The following ZNF169 variants were observed in gnomAD, a reference collection of about 807,000 sequenced individuals.
ZNF169 encodes the protein zinc finger protein 169.
In ZNF169, 11 loss-of-function variants were observed where a neutral mutation model predicts 12.0. That is an observed-to-expected ratio of 0.92 (90% CI 0.58 to 1.52). The LOEUF (loss-of-function observed/expected upper bound fraction) is 1.52, where lower values mean the gene tolerates loss of function less well. Ranked by LOEUF, ZNF169 falls within the 40% of genes most tolerant of loss-of-function variation. The pLI, the probability that ZNF169 is intolerant of heterozygous loss-of-function variation, is 0.00. For missense variants in ZNF169, 722 were observed against 744.0 expected, an observed-to-expected ratio of 0.97 and a Z score of 0.34; for synonymous variants, 302 against 286.5, an observed-to-expected ratio of 1.05 and a Z score of -0.55.
intron 1 of ZNF169, among the ~76,000 whole-genome samples, chr9:94,262,026 T>G (rs1461125714): frequency 6.6e-6 from 1 of 152,224 alleles, no homozygotes; most frequent in Non-Finnish European, 1.5e-5. Flanking sequence ...CTACAGATAT[T>G]TGTCCACTAC....
chr9:94,272,018 G>T (rs1159017213), intron 1 of ZNF169, among the ~76,000 whole-genome samples: 1 of 152,048 alleles, frequency 6.6e-6, no homozygotes, highest in Non-Finnish European at 1.5e-5. Context: ...TACAGATGTA[G>T]GGCCACTCAA....
chr9:94,291,839 G>C (rs1246709582), intron 2 of ZNF169, among the ~76,000 whole-genome samples: 1 of 152,190 alleles, frequency 6.6e-6, no homozygotes, highest in African/African-American at 2.4e-5. Flanking sequence ...TAAACAAATG[G>C]AGAGACATAC....
chr9:94,292,313 A>G (rs938750213), intron 2 of ZNF169, 28 bp from the exon 3 acceptor site: 1 of 1,613,734 alleles, frequency 6.2e-7, no homozygotes, highest in African/African-American at 1.3e-5. Flanking sequence ...CTGGCTGTTG[A>G]GTGAGCAGGG....
chr9:94,260,487 G>C lies in ZNF169; in HGVS notation c.-56+1142G>C, dbSNP rs546393857. 5.2e-3 allele frequency among the ~76,000 whole-genome samples: 787 copies of C among 151,944 alleles called. 21 individuals are homozygous for C. The highest frequency in any genetic ancestry group is 0.046 in the South Asian group (220 of 4,818). Reference sequence around the variant, plus strand: ...ATCCAGACTTGGTCTTGATAGTGGGGGGGGGGACGGCTAGGGCCGTGCGAC... The same window carrying C: ...ATCCAGACTTGGTCTTGATAGTGGGCGGGGGGACGGCTAGGGCCGTGCGAC... On this transcript the variant is annotated intron_variant, in intron 1 of 4. Coordinates refer to ENST00000395395, the MANE Select transcript of ZNF169 (RefSeq NM_194320.4).
rs137925993 is a variant in ZNF169 at position 94,293,000 on chromosome 9, A to G, written c.187A>G (p.Ile63Val). The G allele has an allele frequency of 1.9e-6, 3 of 1,612,966 alleles. No individual in the cohort carries two copies. The highest frequency in any genetic ancestry group is 1.7e-6 in the Non-Finnish European group (2 of 1,179,396). The change falls in exon 4 of 5, where the codon ATC becomes GTC. Residue 63 changes from isoleucine to valine, a missense_variant. Ile to Val is a conservative substitution (Grantham distance 29, BLOSUM62 3). Coordinates refer to ENST00000395395, the MANE Select transcript of ZNF169 (RefSeq NM_194320.4). ...LGIAFSKPKL[I>V]EQLEQGDEPW... ...AATTGCATTTTCCAAACCAAAACTC[A>G]TCGAACAGCTGGAGCAAGGCGACGA...
At chr9:94,278,425 G>T (rs1484310705) in intron 1 of ZNF169, among the ~76,000 whole-genome samples, 1 of 152,188 alleles carries the variant, frequency 6.6e-6, no homozygotes, top group Non-Finnish European at 1.5e-5. Flanking sequence ...TTTGTTTTCA[G>T]TATGATGAGG....
intron 4 of ZNF169, chr9:94,295,970 C>T (rs996322442): frequency 6.6e-6 from 1 of 152,172 alleles, no homozygotes; most frequent in Admixed American, 6.5e-5. Flanking sequence ...AACTGCTTTC[C>T]AAAGTGGCCG....
At chr9:94,261,245 G>C (rs1053203546) in intron 1 of ZNF169, among the ~76,000 whole-genome samples, 1 of 151,990 alleles carries the variant, frequency 6.6e-6, no homozygotes, top group Non-Finnish European at 1.5e-5. Flanking sequence ...GGATGGTCTC[G>C]ATCTCCCGAC....
At chr9:94,270,874 TTA>T (rs1198409551) in intron 1 of ZNF169, among the ~76,000 whole-genome samples, 5 of 21,940 alleles carry the variant, frequency 2.3e-4, no homozygotes, top group South Asian at 1.5e-3. Context: ...AATATATATA[TTA>T]TATTATATAA....
rs1397734215 is a variant in ZNF169 at position 94,300,065 on chromosome 9, A to C, written c.507A>C (p.Gln169His). 6.2e-7 allele frequency: 1 copy of C among 1,614,160 alleles called. No homozygotes were observed. Among genetic ancestry groups the C allele is most frequent in the South Asian group, 1.1e-5 (1 of 91,082 alleles). The change falls in exon 5 of 5, where the codon CAA becomes CAC. Residue 169 changes from glutamine (Q) to histidine (H), a missense_variant. Coordinates refer to ENST00000395395, the MANE Select transcript of ZNF169 (RefSeq NM_194320.4). ...RISRTFFSPHQGDPVEWVEGN... is the reference protein window; with the variant it reads ...RISRTFFSPHHGDPVEWVEGN... ...CTAGGACATTCTTCAGCCCACATCA[A>C]GGTGACCCAGTAGAATGGGTAGAAG... is the stretch of plus-strand genomic sequence containing the variant.
Position 94,301,164 on chromosome 9 carries a change from C to T in ZNF169, c.1606C>T (p.His536Tyr). The T allele has an allele frequency of 6.2e-7, 1 of 1,614,232 alleles. No individual in the cohort carries two copies. The highest frequency in any genetic ancestry group is 1.1e-5 in the South Asian group (1 of 91,084). Residue 536 changes from histidine (H) to tyrosine (Y), a missense_variant, in exon 5 of 5, where the codon CAC (histidine) becomes TAC (tyrosine). Physicochemically the swap from His to Tyr is moderately conservative, Grantham distance 83. Transcript: ENST00000395395. The part of the protein sequence containing the change: ...KSHLISDQRT[H>Y]SGEKPCICDE... Reference sequence around the variant, plus strand: ...ACACCTTATCTCTGACCAAAGGACACACTCAGGAGAGAAGCCCTGCATTTG... The same window carrying T: ...ACACCTTATCTCTGACCAAAGGACATACTCAGGAGAGAAGCCCTGCATTTG...
At position 94,301,127 on chromosome 9, in the gene ZNF169, T is replaced by A. The variant is rs1831064009; in HGVS notation, c.1569T>A (p.Leu523=). 6.2e-7 allele frequency: 1 copy of A among 1,614,034 alleles called. No individual in the cohort carries two copies. Among genetic ancestry groups the A allele is most frequent in the Non-Finnish European group, 8.5e-7 (1 of 1,179,986 alleles). Residue 523 remains leucine, a synonymous_variant, in exon 5 of 5, where the codon CTT becomes CTA. Transcript: ENST00000395395. ...TAGACAGGGTGTGTGGACAAGGACT[T>A]GGCCAGAAGTCACACCTTATCTCTG... is the stretch of plus-strand genomic sequence containing the variant. ...LYVDRVCGQG[L]GQKSHLISDQ... is the part of the protein sequence containing the mutation.
In ZNF169 at chr9:94,300,128, A is replaced by G. The variant is rs774055029; in HGVS notation, c.570A>G (p.Gln190=). The change falls in exon 5 of 5, where the codon CAA becomes CAG. Residue 190 remains glutamine, a synonymous_variant. Transcript: ENST00000395395. The part of the protein sequence containing the change: ...REGGTDLRLA[Q]RMSLGGSDTM... ...GAGGAACAGACCTTCGCCTGGCCCA[A>G]AGGATGAGTCTTGGGGGGTCAGACA... 53 of 1,614,088 alleles carry G rather than the reference A, an allele frequency of 3.3e-5. No homozygotes were observed. Among genetic ancestry groups the G allele is most frequent in the Non-Finnish European group, 4.4e-5 (52 of 1,180,050 alleles).
intron 3 of ZNF169, 61 bp from the exon 4 acceptor site, chr9:94,292,913 C>A (rs961010903): frequency 2.7e-6 from 4 of 1,471,658 alleles, no homozygotes; most frequent in Non-Finnish European, 3.7e-6. Flanking sequence ...GCTCTGAGTT[C>A]TGAGATAGCC....
chr9:94,300,467 C>T lies in ZNF169; in HGVS notation c.909C>T (p.Ser303=). The change falls in exon 5 of 5, where the codon TCC becomes TCT. Residue 303 remains serine (S), a synonymous_variant. Coordinates refer to ENST00000395395, the MANE Select transcript of ZNF169 (RefSeq NM_194320.4). Reference sequence around the variant, plus strand: ...GTGGGCGACACTTCAGGTATACATCCTCTCTCACTAATCACAAGAGGATTC... The same window carrying T: ...GTGGGCGACACTTCAGGTATACATCTTCTCTCACTAATCACAAGAGGATTC... The part of the protein sequence containing the change: ...RECGRHFRYT[S]SLTNHKRIHS... The T allele has an allele frequency of 2.5e-6, 4 of 1,613,996 alleles. No homozygotes were observed. Among genetic ancestry groups the T allele is most frequent in the South Asian group, 1.1e-5 (1 of 91,048 alleles).
At chr9:94,279,534 G>C (rs1381294992) in intron 2 of ZNF169, among the ~76,000 whole-genome samples, 2 of 152,046 alleles carry the variant, frequency 1.3e-5, no homozygotes, top group Non-Finnish European at 2.9e-5. Flanking sequence ...CAGATACTGG[G>C]GAGGCTGAGG....
intron 2 of ZNF169, 65 bp downstream of exon 2, chr9:94,278,910 G>C (rs1180815804): frequency 4.5e-6 from 7 of 1,568,642 alleles, no homozygotes; most frequent in Admixed American, 3.5e-5. Context: ...TGTCCTGAAG[G>C]CTGCCTTCTT....
intron 2 of ZNF169, among the ~76,000 whole-genome samples, chr9:94,282,776 A>G (rs1020564473): frequency 2.0e-5 from 3 of 152,316 alleles, no homozygotes; most frequent in African/African-American, 7.2e-5. Flanking sequence ...ACAGCATAGC[A>G]TCAATTTGTG....
In ZNF169 at chr9:94,293,050, T is replaced by C; in HGVS notation, c.237T>C (p.His79=). The C allele has an allele frequency of 6.2e-7, 1 of 1,613,186 alleles. No individual in the cohort carries two copies. Among genetic ancestry groups the C allele is most frequent in the Non-Finnish European group, 8.5e-7 (1 of 1,179,634 alleles). The change falls in exon 4 of 5, where the codon CAT becomes CAC. Residue 79 remains histidine, a synonymous_variant. Coordinates refer to ENST00000395395, the MANE Select transcript of ZNF169 (RefSeq NM_194320.4). ...AACCTTGGAGAGAGGAGAACGAACA[T>C]CTTCTGGACCTTTGTCCAGGTGAGT... ...GDEPWREENE[H]LLDLCPEPRT...
Sources: allele counts gnomAD v4.1 joint callset (sites outside exome capture counted in the v4.1 genomes callset), GRCh38; gene constraint gnomAD v4.1.1; transcripts MANE v1.5; gene names NCBI Gene and HGNC (gene_info 2026-07-23, HGNC 2026-07-21).